USP34: variants seen among roughly 807,000 people sequenced by gnomAD.
USP34 encodes the protein ubiquitin carboxyl-terminal hydrolase 34.
Under a neutral mutation model 460.3 loss-of-function variants are expected in USP34, and 70 were observed. That is an observed-to-expected ratio of 0.15 (90% CI 0.13 to 0.19). USP34 has a LOEUF of 0.19. Among genes scored for constraint, USP34 ranks in the 10% least tolerant of loss-of-function variants. The probability of loss-of-function intolerance (pLI) is 1.00; values close to 1 mark genes in which losing one functional copy is unlikely to be tolerated. For synonymous variants in USP34, 1,647 were observed against 1,405.3 expected (o/e 1.17, Z -3.85); for missense variants, 3,985 against 4,236.2 (o/e 0.94, Z 1.65).
Position 61,301,164 on chromosome 2 carries a change from T to TAA in USP34, c.3919-6_3919-5dup. On this transcript the variant is annotated splice_polypyrimidine_tract_variant and splice_region_variant and intron_variant, in intron 28 of 79. Coordinates refer to ENST00000398571, the MANE Select transcript of USP34 (RefSeq NM_014709.4). ...CACCCAAAGATACAAATACCATCTA[T>TAA]AAAAAACAGGAAAAAAAATTTATGC... 1.9e-6 allele frequency: 3 copies of TAA among 1,582,052 alleles called. No homozygotes were observed. Among genetic ancestry groups the TAA allele is most frequent in the Non-Finnish European group, 2.6e-6 (3 of 1,168,782 alleles).
Position 61,314,989 on chromosome 2 carries a change from T to C in USP34, c.3283-15A>G, listed in dbSNP as rs1572926975. 1.9e-6 allele frequency: 3 copies of C among 1,594,204 alleles called. No individual in the cohort carries two copies. The highest frequency in any genetic ancestry group is 1.1e-5 in the South Asian group (1 of 87,082). ...ATACCACACAGCTAAGAAAGAAAAA[T>C]ATGGTATCTCTAAATTTTGTTTGTC... On this transcript the variant is annotated splice_polypyrimidine_tract_variant and intron_variant, in intron 23 of 79. Transcript: ENST00000398571.
At chr2:61,453,736 GGAA>G (rs1358783914) in intron 1 of USP34, among the ~76,000 whole-genome samples, 13 of 136,022 alleles carry the variant, frequency 9.6e-5, no homozygotes, top group Non-Finnish European at 1.7e-4. Flanking sequence ...AAAAAAAAAA[GGAA>G]GAAGAAAAAA....
At chr2:61,303,964 C>T (rs568969494) in intron 27 of USP34, among the ~76,000 whole-genome samples, 11 of 152,260 alleles carry the variant, frequency 7.2e-5, no homozygotes, top group African/African-American at 2.2e-4. Flanking sequence ...ATGGCATGAT[C>T]TCGGCTCACT....
chr2:61,236,704 A>G (rs1688079688), intron 53 of USP34, among the ~76,000 whole-genome samples: 1 of 152,208 alleles, frequency 6.6e-6, no homozygotes, highest in Admixed American at 6.5e-5. Context: ...GTCATGTTAC[A>G]TTCTGATAAG....
At chr2:61,334,764 T>A (rs539729720) in intron 18 of USP34, among the ~76,000 whole-genome samples, 1 of 152,234 alleles carries the variant, frequency 6.6e-6, no homozygotes, top group South Asian at 2.1e-4. Flanking sequence ...AATGGTGTGG[T>A]TCATGAAAGA....
At chr2:61,446,827 CTTTACCCTCTGA>C (rs1695133313) in intron 1 of USP34, among the ~76,000 whole-genome samples, 1 of 151,074 alleles carries the variant, frequency 6.6e-6, no homozygotes. Context: ...CACTGATCTA[CTTTACCCTCTGA>C]GTAGATACTT....
intron 1 of USP34, among the ~76,000 whole-genome samples, chr2:61,443,310 AG>A (rs1299234215): frequency 1.3e-5 from 2 of 152,194 alleles, no homozygotes; most frequent in African/African-American, 4.8e-5. Flanking sequence ...AATGCAAAAA[AG>A]GGATAAATGT....
chr2:61,234,706 T>C (rs1045232427), intron 57 of USP34, among the ~76,000 whole-genome samples: 14 of 152,148 alleles, frequency 9.2e-5, no homozygotes, highest in African/African-American at 3.4e-4. Context: ...AGTGGTGTGA[T>C]CTCAGCTCAC....
In USP34 at chr2:61,317,784, G is replaced by T; in HGVS notation, c.3169-17C>A. ...CTGGGGCATCTTTGGAAGGGTAGGG[G>T]GAAACACAAAGCTAATTTAGTGTGG... On this transcript the variant is annotated splice_polypyrimidine_tract_variant and intron_variant, in intron 22 of 79. Coordinates refer to ENST00000398571, the MANE Select transcript of USP34 (RefSeq NM_014709.4). The T allele has an allele frequency of 6.3e-7, 1 of 1,589,952 alleles. No individual in the cohort carries two copies.
Position 61,190,532 on chromosome 2 carries a change from G to A in USP34, c.9715C>T (p.His3239Tyr). 3.7e-6 allele frequency: 6 copies of A among 1,613,718 alleles called. No homozygotes were observed. The highest frequency in any genetic ancestry group is 5.1e-6 in the Non-Finnish European group (6 of 1,179,854). ...NNNIVYTFMT[H>Y]FLLKVQSQVF... is the part of the protein sequence containing the mutation. ...GTACTACGTACCTTTAGAAGGAAATGTGTCATGAACGTGTAGACAATGTTG... is the reference window on the plus strand; with the variant it reads ...GTACTACGTACCTTTAGAAGGAAATATGTCATGAACGTGTAGACAATGTTG... The change falls in exon 77 of 80, where the codon CAT becomes TAT. Residue 3239 changes from histidine to tyrosine, a missense_variant. Coordinates refer to ENST00000398571, the MANE Select transcript of USP34 (RefSeq NM_014709.4).
chr2:61,400,698 A>C lies in USP34; in HGVS notation c.552+5010T>G, dbSNP rs115143983. ...GACCCTGCCTCCTCAAAAAAATTGA[A>C]AAACTAGCTAGGCATGGTGGCATGC... On this transcript the variant is annotated intron_variant, in intron 3 of 79. Coordinates refer to ENST00000398571, the MANE Select transcript of USP34 (RefSeq NM_014709.4). 8.6e-3 allele frequency among the ~76,000 whole-genome samples: 1,310 copies of C among 152,200 alleles called. 21 individuals carry two copies. The highest frequency in any genetic ancestry group is 0.037 in the Middle Eastern group (11 of 294).
rs900345484 is a variant in USP34, at chr2:61,411,218, CA to C, written c.132-5091del. On this transcript the variant is annotated intron_variant, in intron 2 of 79. Transcript: ENST00000398571. ...TAGGCAACATAGTGAGACCTCGTCT[CA>C]AAAAAAAACAAAGTTAGGCAGGCAA... Among the ~76,000 whole-genome samples the C allele has an allele frequency of 3.2e-3, 481 of 148,250 alleles. 1 individual carries two copies. The highest frequency in any genetic ancestry group is 5.2e-3 in the Non-Finnish European group (346 of 66,942).
At chr2:61,383,416 G>C in intron 5 of USP34, 80 bp from the exon 6 acceptor site, 1 of 1,153,976 alleles carries the variant, frequency 8.7e-7, no homozygotes, top group Non-Finnish European at 1.2e-6. Context: ...TGAAAAACAA[G>C]AGCATTGGCC....
chr2:61,355,853 A>C (rs886227569), intron 10 of USP34, among the ~76,000 whole-genome samples: 1 of 152,246 alleles, frequency 6.6e-6, no homozygotes, highest in Non-Finnish European at 1.5e-5. Flanking sequence ...CCAATTGTCT[A>C]TAAGAGGTTT....
chr2:61,277,005 T>C (rs1689391671), intron 41 of USP34, among the ~76,000 whole-genome samples: 1 of 152,172 alleles, frequency 6.6e-6, no homozygotes, highest in South Asian at 2.1e-4. Context: ...TAAGGTAAGA[T>C]GAACTATTTA....
At chr2:61,267,206 T>C (rs1379060163) in intron 41 of USP34, among the ~76,000 whole-genome samples, 1 of 152,244 alleles carries the variant, frequency 6.6e-6, no homozygotes, top group East Asian at 1.9e-4. Flanking sequence ...TGTATCATTT[T>C]GCTGTAATAA....
chr2:61,266,848 C>G (rs565600664), intron 41 of USP34, among the ~76,000 whole-genome samples: 3 of 152,200 alleles, frequency 2.0e-5, no homozygotes, highest in Non-Finnish European at 4.4e-5. Flanking sequence ...GCAAACGTCA[C>G]TGGTAAGTAA....
chr2:61,410,922 G>A (rs902233928), intron 2 of USP34, among the ~76,000 whole-genome samples: 6 of 151,998 alleles, frequency 3.9e-5, no homozygotes, highest in African/African-American at 1.2e-4. Context: ...CTAAAGGCAG[G>A]GATGAAGCCT....
rs1240557006 is a variant in USP34 at position 61,220,414 on chromosome 2, A to G, written c.7943T>C (p.Val2648Ala). The part of the protein sequence containing the change: ...NPSQCLDWLA[V>A]QTPRNKLAHS... ...TGCCAGTTTATTTCGGGGTGTCTGC[A>G]CTGCCAACCAATCTAGACACTGAGA... Residue 2648 changes from valine (V) to alanine (A), a missense_variant, in exon 67 of 80, where the codon GTG becomes GCG. By Grantham distance (64) the Val-to-Ala change is moderately conservative. Coordinates refer to ENST00000398571, the MANE Select transcript of USP34 (RefSeq NM_014709.4). The G allele has an allele frequency of 1.2e-6, 2 of 1,613,970 alleles. No individual in the cohort carries two copies. The highest frequency in any genetic ancestry group is 2.2e-5 in the South Asian group (2 of 91,044).
Sources: allele counts gnomAD v4.1 joint callset (sites outside exome capture counted in the v4.1 genomes callset), GRCh38; gene constraint gnomAD v4.1.1; transcripts MANE v1.5; gene names NCBI Gene and HGNC (gene_info 2026-07-23, HGNC 2026-07-21).